Variants in SNX29 observed in about 807,000 individuals in gnomAD.
SNX29 encodes the protein sorting nexin-29.
A neutral mutation model predicts 102.1 loss-of-function variants in SNX29; 78 were observed. That is an observed-to-expected ratio of 0.76 (90% CI 0.64 to 0.92). SNX29 has a LOEUF of 0.92. Among genes scored for constraint, SNX29 ranks in the 40% least tolerant of loss-of-function variants. The probability of loss-of-function intolerance (pLI) is 0.00; values close to 1 mark genes in which losing one functional copy is unlikely to be tolerated. For missense variants in SNX29, 1,280 were observed against 1,061.7 expected (o/e 1.21, Z -2.86); for synonymous variants, 580 against 414.5 (o/e 1.40, Z -4.85).
At chr16:12,144,188 A>G (rs2054968342) in intron 13 of SNX29, among the ~76,000 whole-genome samples, 1 of 152,210 alleles carries the variant, frequency 6.6e-6, no homozygotes, top group South Asian at 2.1e-4. Context: ...GGATAAGCTC[A>G]TTGAAAACCT....
At chr16:12,228,542 T>G (rs2077681911) in intron 14 of SNX29, among the ~76,000 whole-genome samples, 1 of 152,256 alleles carries the variant, frequency 6.6e-6, no homozygotes, top group Non-Finnish European at 1.5e-5. Context: ...ATGCTCAAGA[T>G]ATTTTCCTGC....
intron 14 of SNX29, among the ~76,000 whole-genome samples, chr16:12,208,201 C>T (rs1246962374): frequency 6.6e-6 from 1 of 152,228 alleles, no homozygotes; most frequent in Non-Finnish European, 1.5e-5. Context: ...TACAGGCCCA[C>T]CTGGGTGCGG....
chr16:12,189,453 T>C (rs969297023), intron 13 of SNX29, among the ~76,000 whole-genome samples: 1 of 152,184 alleles, frequency 6.6e-6, no homozygotes, highest in African/African-American at 2.4e-5. Context: ...GCTTGATGTT[T>C]CCTTTTGATT....
chr16:12,185,165 T>G (rs1478847149), intron 13 of SNX29, among the ~76,000 whole-genome samples: 2 of 152,110 alleles, frequency 1.3e-5, no homozygotes, highest in African/African-American at 4.8e-5. Context: ...TCGTATGCAG[T>G]AGGGGGTCTC....
At chr16:12,532,446 C>G (rs879940005) in intron 20 of SNX29, among the ~76,000 whole-genome samples, 1 of 152,096 alleles carries the variant, frequency 6.6e-6, no homozygotes, top group Non-Finnish European at 1.5e-5. Flanking sequence ...TCCTACTAAG[C>G]TCAATATTAT....
chr16:12,082,338 C>A (rs2051943167), intron 11 of SNX29, among the ~76,000 whole-genome samples: 2 of 152,250 alleles, frequency 1.3e-5, no homozygotes, highest in East Asian at 1.9e-4. Flanking sequence ...GTTCCTGCGG[C>A]CGGGGCTGAG....
intron 18 of SNX29, among the ~76,000 whole-genome samples, chr16:12,429,326 T>A (rs754370146): frequency 6.6e-6 from 1 of 152,268 alleles, no homozygotes; most frequent in Non-Finnish European, 1.5e-5. Context: ...TCCCAACACA[T>A]AGATACGATT....
At chr16:12,166,502 T>C (rs1184520076) in intron 13 of SNX29, among the ~76,000 whole-genome samples, 1 of 152,132 alleles carries the variant, frequency 6.6e-6, no homozygotes, top group Non-Finnish European at 1.5e-5. Flanking sequence ...GCGGGGGGCA[T>C]AGGCAGCCGA....
chr16:12,297,027 C>T (rs1024108677), intron 15 of SNX29, among the ~76,000 whole-genome samples: 1 of 152,226 alleles, frequency 6.6e-6, no homozygotes, highest in African/African-American at 2.4e-5. Context: ...ACAAATGTCT[C>T]CAGACATGGC....
intron 16 of SNX29, among the ~76,000 whole-genome samples, chr16:12,359,972 C>T (rs373246046): frequency 4.9e-4 from 75 of 152,234 alleles, no homozygotes; most frequent in African/African-American, 1.8e-3. Flanking sequence ...TACAGGCGCC[C>T]ACCATTATGC....
chr16:12,437,527 A>G (rs2085592086), intron 18 of SNX29, among the ~76,000 whole-genome samples: 2 of 152,310 alleles, frequency 1.3e-5, no homozygotes, highest in South Asian at 2.1e-4. Flanking sequence ...CATACATATG[A>G]AGTACATCAA....
intron 15 of SNX29, among the ~76,000 whole-genome samples, chr16:12,291,840 G>C (rs974531356): frequency 1.3e-5 from 2 of 152,168 alleles, no homozygotes; most frequent in Non-Finnish European, 2.9e-5. Flanking sequence ...AGAAAACCAA[G>C]GTTCACTTCA....
rs955813369 is a variant in SNX29 at position 12,464,544 on chromosome 16, C to T, written c.2038-13175C>T. 9.2e-5 allele frequency among the ~76,000 whole-genome samples: 14 copies of T among 152,246 alleles called. 1 individual carries two copies. Among genetic ancestry groups the T allele is most frequent in the Admixed American group, 9.2e-4 (14 of 15,298 alleles). ...TCACAGCTCACTGCAGCCTCCACCT[C>T]CTGGGCTCAAGCGATCCTCCCACCC... On this transcript the variant is annotated intron_variant, in intron 18 of 20. Coordinates refer to ENST00000566228, the MANE Select transcript of SNX29 (RefSeq NM_032167.5).
At chr16:11,996,916 T>A (rs1243136130) in intron 1 of SNX29, among the ~76,000 whole-genome samples, 1 of 152,096 alleles carries the variant, frequency 6.6e-6, no homozygotes, top group African/African-American at 2.4e-5. Context: ...CAGAAAAAAA[T>A]ACTAACGGTA....
intron 13 of SNX29, among the ~76,000 whole-genome samples, chr16:12,153,970 C>T (rs918384576): frequency 1.3e-5 from 2 of 152,138 alleles, no homozygotes; most frequent in Admixed American, 1.3e-4. Context: ...GGTGTCCTCC[C>T]GCTTTGAAAG....
At chr16:12,216,065 T>C (rs2077315262) in intron 14 of SNX29, among the ~76,000 whole-genome samples, 2 of 152,220 alleles carry the variant, frequency 1.3e-5, no homozygotes, top group Non-Finnish European at 2.9e-5. Flanking sequence ...CATCGTGGCT[T>C]GCCTTAAATT....
At chr16:12,368,068 G>A (rs746182512) in intron 16 of SNX29, among the ~76,000 whole-genome samples, 1 of 152,210 alleles carries the variant, frequency 6.6e-6, no homozygotes, top group Non-Finnish European at 1.5e-5. Flanking sequence ...TCTTGCACCT[G>A]GGGGGAGTTG....
intron 13 of SNX29, among the ~76,000 whole-genome samples, chr16:12,134,219 G>A (rs530990418): frequency 6.6e-6 from 1 of 152,200 alleles, no homozygotes. Context: ...GAATTATTGT[G>A]GGGGGTCATT....
intron 16 of SNX29, among the ~76,000 whole-genome samples, chr16:12,370,375 C>T (rs541648794): frequency 2.7e-3 from 410 of 152,268 alleles, no homozygotes; most frequent in Non-Finnish European, 4.5e-3. Flanking sequence ...GCCTGGCCAA[C>T]GTGGTGAAAA....
Sources: gnomAD v4.1 joint callset for allele counts (sites outside exome capture counted in the v4.1 genomes callset) on GRCh38, gnomAD v4.1.1 for gene constraint, MANE v1.5 for transcripts, NCBI Gene and HGNC (gene_info 2026-07-23, HGNC 2026-07-21) for gene names.